The following GLRX3 variants were observed in gnomAD, a reference collection of about 807,000 sequenced individuals.
GLRX3 encodes glutaredoxin 3, also known as glutaredoxin-3.
In GLRX3, 22 loss-of-function variants were observed where a neutral mutation model predicts 49.5. The observed-to-expected ratio is 0.44, with a 90% CI of 0.32 to 0.63. The LOEUF (loss-of-function observed/expected upper bound fraction) is 0.63, where lower values mean the gene tolerates loss of function less well. Among genes scored for constraint, GLRX3 ranks in the 30% least tolerant of loss-of-function variants. The pLI is 0.05. For missense variants in GLRX3, 385 were observed against 396.3 expected, an observed-to-expected ratio of 0.97 and a Z score of 0.24; for synonymous variants, 133 against 140.0, an observed-to-expected ratio of 0.95 and a Z score of 0.35.
chr10:130,152,538 A>T (rs1003082049), intron 2 of GLRX3, among the ~76,000 whole-genome samples: 1 of 152,138 alleles, frequency 6.6e-6, no homozygotes, highest in Non-Finnish European at 1.5e-5. Context: ...TTGTCTTTAA[A>T]TGATTTTATT....
At chr10:130,138,715 C>T (rs538562124) in intron 1 of GLRX3, among the ~76,000 whole-genome samples, 43 of 152,100 alleles carry the variant, frequency 2.8e-4, no homozygotes, top group Non-Finnish European at 3.8e-4. Flanking sequence ...ATGAGCAGGT[C>T]TTGTGTGGAC....
chr10:130,162,138 C>T (rs551463856), intron 4 of GLRX3, among the ~76,000 whole-genome samples: 13 of 152,208 alleles, frequency 8.5e-5, no homozygotes, highest in Middle Eastern at 3.4e-3. Context: ...CCACCATGCC[C>T]GGCTAATTTT....
intron 1 of GLRX3, among the ~76,000 whole-genome samples, chr10:130,144,660 A>G (rs888569015): frequency 6.6e-6 from 1 of 152,210 alleles, no homozygotes; most frequent in Non-Finnish European, 1.5e-5. Context: ...ATGACTGCAT[A>G]GTATTCCATG....
At chr10:130,136,991 C>G (rs1352258740) in intron 1 of GLRX3, among the ~76,000 whole-genome samples, 1 of 152,252 alleles carries the variant, frequency 6.6e-6, no homozygotes, top group Non-Finnish European at 1.5e-5. Flanking sequence ...GGCTCGGCGT[C>G]GGCCCATTGC....
intron 5 of GLRX3, 67 bp from the exon 6 acceptor site, chr10:130,166,852 G>C: frequency 9.3e-7 from 1 of 1,069,550 alleles, no homozygotes; most frequent in Non-Finnish European, 1.4e-6. Context: ...TCTGTGTTAT[G>C]GTATGATCAA....
At chr10:130,176,698 G>A (rs930590555) in intron 10 of GLRX3, among the ~76,000 whole-genome samples, 1 of 151,860 alleles carries the variant, frequency 6.6e-6, no homozygotes, top group African/African-American at 2.4e-5. Flanking sequence ...CTCTTGAATA[G>A]CCCTGAAGCA....
intron 1 of GLRX3, among the ~76,000 whole-genome samples, chr10:130,142,342 T>TA (rs1051548846): frequency 6.6e-6 from 1 of 152,116 alleles, no homozygotes; most frequent in African/African-American, 2.4e-5. Context: ...TCCCAACACT[T>TA]ACCATTTATT....
intron 6 of GLRX3, among the ~76,000 whole-genome samples, chr10:130,167,804 C>T (rs997453587): frequency 1.3e-5 from 2 of 152,128 alleles, no homozygotes; most frequent in Non-Finnish European, 2.9e-5. Flanking sequence ...GTCCAATCCA[C>T]GTATGTCAGG....
rs547843436 is a variant in GLRX3 at position 130,166,416 on chromosome 10, T to C, written c.479-91T>C. The C allele has an allele frequency of 1.5e-4, 124 of 846,250 alleles. No homozygotes were observed. The East Asian group carries it at 3.0e-3, about 20-fold the overall frequency. 52.4% of individuals were successfully genotyped at this position (846,250 alleles called of 1,614,324 possible). On this transcript the variant is annotated intron_variant, in intron 4 of 10. Transcript: ENST00000331244. ...AAATAAGGCAGGCGTCTATGTCTTT[T>C]AGATGATATGTACGCTGAACTAATG...
At chr10:130,164,738 A>G (rs1031986485) in intron 4 of GLRX3, among the ~76,000 whole-genome samples, 4 of 152,252 alleles carry the variant, frequency 2.6e-5, no homozygotes, top group Non-Finnish European at 1.5e-5. Context: ...TAACTCTTAA[A>G]AATGAAACAC....
At chr10:130,136,933 C>G (rs532912818) in intron 1 of GLRX3, among the ~76,000 whole-genome samples, 146 of 152,284 alleles carry the variant, frequency 9.6e-4, no homozygotes, top group Non-Finnish European at 1.7e-3. Context: ...GAGCGGGACC[C>G]ACGGCTGCGG....
intron 1 of GLRX3, among the ~76,000 whole-genome samples, chr10:130,137,368 G>A (rs1171725354): frequency 6.6e-6 from 1 of 152,210 alleles, no homozygotes; most frequent in African/African-American, 2.4e-5. Flanking sequence ...AGGTCTGCAC[G>A]TGGACTCTCC....
chr10:130,178,783 A>G (rs56700466), intron 10 of GLRX3, among the ~76,000 whole-genome samples: 2,900 of 152,042 alleles, frequency 0.019, 104 homozygotes, highest in African/African-American at 0.067. Context: ...GCTCACTACA[A>G]TCTCCACCTC....
At chr10:130,153,636 C>T (rs939189110) in intron 2 of GLRX3, among the ~76,000 whole-genome samples, 19 of 152,188 alleles carry the variant, frequency 1.2e-4, no homozygotes, top group Non-Finnish European at 2.4e-4. Flanking sequence ...GGCTGCAGAA[C>T]AGCAAATATT....
At chr10:130,167,439 A>G (rs1342681312) in intron 6 of GLRX3, among the ~76,000 whole-genome samples, 1 of 152,188 alleles carries the variant, frequency 6.6e-6, no homozygotes, top group East Asian at 1.9e-4. Context: ...AGCACTTCTC[A>G]TGGCCTTTCT....
At chr10:130,146,962 C>T (rs373796275) in intron 2 of GLRX3, among the ~76,000 whole-genome samples, 1 of 152,138 alleles carries the variant, frequency 6.6e-6, no homozygotes, top group Non-Finnish European at 1.5e-5. Flanking sequence ...GAAAGATGTC[C>T]GTTGAGAAGG....
chr10:130,177,439 C>T (rs78268289), intron 10 of GLRX3, among the ~76,000 whole-genome samples: 2,936 of 152,256 alleles, frequency 0.019, 106 homozygotes, highest in African/African-American at 0.067. Flanking sequence ...TTATTTGGCG[C>T]GCTCCCAATG....
chr10:130,137,929 T>A (rs771570651), intron 1 of GLRX3, among the ~76,000 whole-genome samples: 2 of 151,924 alleles, frequency 1.3e-5, no homozygotes, highest in African/African-American at 2.4e-5. Context: ...AGAGACGAGG[T>A]CTCGCCATGT....
At position 130,179,619 on chromosome 10, in the gene GLRX3, A is replaced by C; in HGVS notation, c.*227A>C. The C allele has an allele frequency of 2.1e-6, 1 of 483,982 alleles. No individual in the cohort carries two copies. The highest frequency in any genetic ancestry group is 3.7e-6 in the Non-Finnish European group (1 of 270,594). The allele number at this position is 483,982 out of a possible 1,614,324, so 30.0% of individuals were successfully genotyped here. ...TCAAATTATTAACAATAATTGTATG[A>C]AAAAAGTGTATCTTTACAGCAGTAT... On this transcript the variant is annotated 3_prime_UTR_variant, in exon 11 of 11. Coordinates refer to ENST00000331244, the MANE Select transcript of GLRX3 (RefSeq NM_006541.5).
Sources: gnomAD v4.1 joint callset for allele counts (sites outside exome capture counted in the v4.1 genomes callset) on GRCh38, gnomAD v4.1.1 for gene constraint, MANE v1.5 for transcripts, NCBI Gene and HGNC (gene_info 2026-07-23, HGNC 2026-07-21) for gene names.